The following SLX4 variants were observed in gnomAD, a reference collection of about 807,000 sequenced individuals.
SLX4 encodes the protein structure-specific endonuclease subunit SLX4.
SLX4 carries 112 observed loss-of-function variants against 146.2 expected under a neutral mutation model. The ratio of observed to expected loss-of-function variants is 0.77; its 90% confidence interval spans 0.66 to 0.90. The LOEUF (loss-of-function observed/expected upper bound fraction) is 0.90. SLX4 is among the 40% of genes least tolerant of loss of function. The pLI is 0.00. For synonymous variants in SLX4, 1,061 were observed against 997.7 expected (o/e 1.06, Z -1.20); for missense variants, 2,563 against 2,392.7 (o/e 1.07, Z -1.49).
chr16:3,581,887 T>TA lies in SLX4; in HGVS notation c.*454dup, dbSNP rs1005954025. The TA allele has an allele frequency of 7.0e-5, 14 of 199,180 alleles. No individual in the cohort carries two copies. The highest frequency in any genetic ancestry group is 1.3e-4 in the Non-Finnish European group (12 of 94,598). 12.3% of individuals were successfully genotyped at this position (199,180 alleles called of 1,614,324 possible). On this transcript the variant is annotated 3_prime_UTR_variant, in exon 15 of 15. Transcript: ENST00000294008. ...GTGAAACCCCGTTTCTACTAAAATA[T>TA]AAAAAATCAGCTGGGCGTGGCAGCG...
At position 3,591,202 on chromosome 16, in the gene SLX4, G is replaced by A. The variant is rs769330696; in HGVS notation, c.2436C>T (p.Ala812=). ...ACCTCAAGAGTTCCTGGAAATTCTC[G>A]GCCCTGCTTTCGCAATTCTCTGCTT... ...EKEAENCESR[A]ENFQELLRSM... is the part of the protein sequence containing the mutation. The change falls in exon 12 of 15, where the codon GCC becomes GCT. Residue 812 remains alanine (A), a synonymous_variant. Coordinates refer to ENST00000294008, the MANE Select transcript of SLX4 (RefSeq NM_032444.4). 9 of 1,613,938 alleles carry A rather than the reference G, an allele frequency of 5.6e-6. No homozygotes were observed. The highest frequency in any genetic ancestry group is 6.8e-6 in the Non-Finnish European group (8 of 1,180,024).
intron 5 of SLX4, among the ~76,000 whole-genome samples, chr16:3,599,876 G>A (rs934613539): frequency 6.6e-5 from 10 of 152,174 alleles, no homozygotes; most frequent in Admixed American, 1.3e-4. Flanking sequence ...GTAAGCTACC[G>A]TGCCTGGCCA....
chr16:3,600,079 T>A (rs2040709292), intron 5 of SLX4, among the ~76,000 whole-genome samples: 1 of 152,184 alleles, frequency 6.6e-6, no homozygotes, highest in African/African-American at 2.4e-5. Context: ...AGACAATTTT[T>A]CCATGGGACA....
chr16:3,587,428 G>A (rs7199766), intron 12 of SLX4, among the ~76,000 whole-genome samples: 32,412 of 152,032 alleles, frequency 0.21, 3,512 homozygotes, highest in East Asian at 0.3. Context: ...CCCGAGAGGT[G>A]GAGGTTGCAG....
intron 2 of SLX4, 41 bp from the exon 3 acceptor site, chr16:3,606,739 G>A (rs2040789991): frequency 6.2e-7 from 1 of 1,605,130 alleles, no homozygotes; most frequent in South Asian, 1.1e-5. Flanking sequence ...TGTTGTAGCT[G>A]GAGAAATAAA....
intron 13 of SLX4, among the ~76,000 whole-genome samples, chr16:3,584,433 T>A (rs2040484028): frequency 6.6e-6 from 1 of 151,844 alleles, no homozygotes; most frequent in Non-Finnish European, 1.5e-5. Flanking sequence ...AAAAAAAAAA[T>A]CAGACCTCCT....
Position 3,582,269 on chromosome 16 carries a change from C to T in SLX4, c.*73G>A, listed in dbSNP as rs1461608259. The T allele has an allele frequency of 1.8e-5, 25 of 1,381,992 alleles. No individual in the cohort carries two copies. In the Middle Eastern group the frequency reaches 2.0e-3, roughly 109 times the overall value. The allele number at this position is 1,381,992 out of a possible 1,614,324, so 85.6% of individuals were successfully genotyped here. On this transcript the variant is annotated 3_prime_UTR_variant, in exon 15 of 15. Coordinates refer to ENST00000294008, the MANE Select transcript of SLX4 (RefSeq NM_032444.4). ...TGGAGGCCTGACCCACGCTGGGTGT[C>T]CCAGGTCCTCCCTGCAAATGGCGGG...
rs867272668 is a variant in SLX4 at position 3,590,605 on chromosome 16, G to A, written c.3033C>T (p.Val1011=). The change falls in exon 12 of 15, where the codon GTC becomes GTT. Residue 1011 remains valine (V), a synonymous_variant. Coordinates refer to ENST00000294008, the MANE Select transcript of SLX4 (RefSeq NM_032444.4). This position sits in a 1 kb window ranked among gnomAD's most constrained non-coding sequence, Gnocchi z 4.8. ...TSEPEEQSGA[V]RERGLEVSHR... The stretch of plus-strand genomic sequence containing the variant: ...GAGAAACCTCCAGCCCCCTTTCCCT[G>A]ACAGCGCCACTTTGTTCCTCGGGCT... 1 of 1,613,850 alleles carries A rather than the reference G, an allele frequency of 6.2e-7. No homozygotes were observed. The highest frequency in any genetic ancestry group is 8.5e-7 in the Non-Finnish European group (1 of 1,179,762).
rs201163062 is a variant in SLX4, at chr16:3,608,666, G to T, written c.299C>A (p.Thr100Asn). The T allele has an allele frequency of 1.5e-5, 25 of 1,614,100 alleles. No homozygotes were observed. In the Admixed American group the frequency reaches 2.3e-4, roughly 15 times the overall value. The change falls in exon 2 of 15, where the codon ACC (threonine) becomes AAC (asparagine). Residue 100 changes from threonine (T) to asparagine (N), a missense_variant. Coordinates refer to ENST00000294008, the MANE Select transcript of SLX4 (RefSeq NM_032444.4). ...LKRTKQTATK[T>N]KTLQGPAEKK... ...CTCTGCAGGGCCTTGAAGGGTTTTGGTCTTGGTAGCAGTTTGTTTGGTCCT... is the reference window on the plus strand; with the variant it reads ...CTCTGCAGGGCCTTGAAGGGTTTTGTTCTTGGTAGCAGTTTGTTTGGTCCT...
chr16:3,600,881 C>G, intron 5 of SLX4, 98 bp downstream of exon 5: 1 of 1,320,310 alleles, frequency 7.6e-7, no homozygotes, highest in Non-Finnish European at 1.1e-6. Context: ...CAGGTGTGAA[C>G]TACTGCGTCC....
chr16:3,582,810 C>T (rs1034237183), intron 14 of SLX4, 117 bp from the exon 15 acceptor site: 17 of 1,005,048 alleles, frequency 1.7e-5, no homozygotes, highest in Middle Eastern at 2.0e-4. Context: ...GCCTGTGGCA[C>T]GATCCCCAGC....
chr16:3,602,270 A>G lies in SLX4; in HGVS notation c.798T>C (p.Ala266=). ...GLGPPAPESD[A]AVALTLQQEF... is the part of the protein sequence containing the mutation. ...CCTGCTGCAGGGTCAAGGCCACCGC[A>G]GCGTCGCTCTCTGGGGCAGGGGGCC... Residue 266 remains alanine (A), a synonymous_variant, in exon 4 of 15, where the codon GCT becomes GCC. Transcript: ENST00000294008. 6.2e-7 allele frequency: 1 copy of G among 1,614,166 alleles called. No individual in the cohort carries two copies. Among genetic ancestry groups the G allele is most frequent in the South Asian group, 1.1e-5 (1 of 91,084 alleles).
At chr16:3,596,075 G>C in intron 8 of SLX4, 78 bp downstream of exon 8, 1 of 1,512,550 alleles carries the variant, frequency 6.6e-7, no homozygotes, top group Non-Finnish European at 8.8e-7. Context: ...ACAAGAGCCA[G>C]TCCATGGCAG....
At position 3,582,208 on chromosome 16, in the gene SLX4, C is replaced by G; in HGVS notation, c.*134G>C. ...TTGGGCTGTGGTCATCATCACAGCG[C>G]AGAGCTGATGTGGTCCCCAGGCCCA... On this transcript the variant is annotated 3_prime_UTR_variant, in exon 15 of 15. Transcript: ENST00000294008. 2.8e-6 allele frequency: 2 copies of G among 714,732 alleles called. No individual in the cohort carries two copies. Among genetic ancestry groups the G allele is most frequent in the Admixed American group, 4.5e-5 (2 of 44,702 alleles). 44.3% of individuals were successfully genotyped at this position (714,732 alleles called of 1,614,324 possible). A position where few individuals can be genotyped will look rare whatever the true frequency, so the allele number is the denominator to read the frequency against.
intron 7 of SLX4, among the ~76,000 whole-genome samples, chr16:3,596,825 T>TTC: frequency 6.8e-6 from 1 of 146,494 alleles, no homozygotes; most frequent in East Asian, 2.0e-4. Flanking sequence ...GGGACTCTGT[T>TTC]TTTTTTTTTT....
chr16:3,582,470 A>T lies in SLX4; in HGVS notation c.5377T>A (p.Ser1793Thr), dbSNP rs759307727. The T allele has an allele frequency of 1.9e-6, 3 of 1,614,004 alleles. No individual in the cohort carries two copies. In the South Asian group the frequency reaches 3.3e-5, roughly 18 times the overall value. ...AGGAAGTCCAACAGCCTGCGCGAGG[A>T]CACACGGAGGCCGTTCTGCCTCAGC... ...AELRQNGLRV[S>T]SRRLLDFLDT... The change falls in exon 15 of 15, where the codon TCC (serine) becomes ACC (threonine). Residue 1793 changes from serine (S) to threonine (T), a missense_variant. Coordinates refer to ENST00000294008, the MANE Select transcript of SLX4 (RefSeq NM_032444.4).
intron 14 of SLX4, 27 bp from the exon 15 acceptor site, chr16:3,582,720 T>G: frequency 6.3e-7 from 1 of 1,588,828 alleles, no homozygotes. Flanking sequence ...CAGGACGTTG[T>G]GCAACCCCTT....
At chr16:3,593,326 G>C (rs563606271) in intron 10 of SLX4, among the ~76,000 whole-genome samples, 4 of 152,142 alleles carry the variant, frequency 2.6e-5, no homozygotes, top group African/African-American at 9.7e-5. Context: ...CACCCTCCTC[G>C]GCCTCCCAAA....
At position 3,594,520 on chromosome 16, in the gene SLX4, T is replaced by G. The variant is rs756288683; in HGVS notation, c.2093A>C (p.Asp698Ala). 6 of 1,614,118 alleles carry G rather than the reference T, an allele frequency of 3.7e-6. No individual in the cohort carries two copies. In the Admixed American group the frequency reaches 8.3e-5, roughly 22 times the overall value. Residue 698 changes from aspartate (D) to alanine (A), a missense_variant, in exon 10 of 15, where the codon GAC becomes GCC. Coordinates refer to ENST00000294008, the MANE Select transcript of SLX4 (RefSeq NM_032444.4). ...PHLSDVQFQT[D>A]SGEVLYAHKF... ...GTGGGCGTAAAGCACCTCCCCGCTG[T>G]CCGTCTGAAACTGGACATCACTCAG...
Sources: allele counts gnomAD v4.1 joint callset (sites outside exome capture counted in the v4.1 genomes callset), GRCh38; gene constraint gnomAD v4.1.1; non-coding constraint Gnocchi (gnomAD v3.1); transcripts MANE v1.5; gene names NCBI Gene and HGNC (gene_info 2026-07-23, HGNC 2026-07-21).